Variants in EBAG9 observed in about 807,000 individuals in gnomAD.
The protein encoded by EBAG9 is receptor-binding cancer antigen expressed on SiSo cells.
A neutral mutation model predicts 30.9 loss-of-function variants in EBAG9; 16 were observed. The ratio of observed to expected loss-of-function variants is 0.52; its 90% confidence interval spans 0.35 to 0.79. The LOEUF (loss-of-function observed/expected upper bound fraction) is 0.79, where lower values mean the gene tolerates loss of function less well. EBAG9 is among the 30% of genes least tolerant of loss of function. The pLI is 0.01. For missense variants in EBAG9, 197 were observed against 242.1 expected, an observed-to-expected ratio of 0.81 and a Z score of 1.24; for synonymous variants, 93 against 82.8, an observed-to-expected ratio of 1.12 and a Z score of -0.67.
intron 1 of EBAG9, 142 bp downstream of exon 1, chr8:109,540,603 G>A (rs1190958418): frequency 2.0e-5 from 3 of 152,072 alleles, no homozygotes. Context: ...CATACTTGAG[G>A]GCCTGACTCT....
intron 4 of EBAG9, 62 bp downstream of exon 4, chr8:109,554,949 A>C (rs1821567946): frequency 3.4e-6 from 5 of 1,476,072 alleles, no homozygotes; most frequent in Non-Finnish European, 4.6e-6. Flanking sequence ...AGTTAAAATT[A>C]GGTGATACAA....
At chr8:109,546,705 C>T (rs1342239171) in intron 1 of EBAG9, among the ~76,000 whole-genome samples, 1 of 152,056 alleles carries the variant, frequency 6.6e-6, no homozygotes, top group East Asian at 1.9e-4. Context: ...ATTCTTTTTC[C>T]AGTGTGGCCC....
chr8:109,556,679 T>C (rs1168698576), intron 4 of EBAG9, among the ~76,000 whole-genome samples: 1 of 152,060 alleles, frequency 6.6e-6, no homozygotes, highest in Non-Finnish European at 1.5e-5. Flanking sequence ...TATTTTGAGG[T>C]CTGGGGAAAG....
chr8:109,558,012 A>G (rs1821635655), intron 5 of EBAG9: 1 of 164,212 alleles, frequency 6.1e-6, no homozygotes, highest in African/African-American at 2.4e-5. Context: ...ATACACTGTC[A>G]CTTCCATGTT....
At chr8:109,556,802 A>C in intron 4 of EBAG9, 133 bp from the exon 5 acceptor site, 1 of 438,650 alleles carries the variant, frequency 2.3e-6, no homozygotes, top group Non-Finnish European at 3.9e-6. Context: ...GTATTTACAG[A>C]CTTTTTTTTT....
chr8:109,563,654 G>T, intron 6 of EBAG9: 1 of 1,045,858 alleles, frequency 9.6e-7, no homozygotes, highest in Non-Finnish European at 1.3e-6. Flanking sequence ...GTAAACATGT[G>T]TCAAGGGGGT....
intron 6 of EBAG9, chr8:109,563,460 T>G: frequency 6.3e-7 from 1 of 1,597,500 alleles, no homozygotes; most frequent in Non-Finnish European, 8.5e-7. Flanking sequence ...CTACCTCCAC[T>G]CCCTACATTA....
At chr8:109,549,974 A>G (rs1256120678) in intron 1 of EBAG9, among the ~76,000 whole-genome samples, 3 of 152,000 alleles carry the variant, frequency 2.0e-5, no homozygotes, top group Admixed American at 1.3e-4. Flanking sequence ...CTCATTGGCA[A>G]CATGGAGTGG....
intron 2 of EBAG9, 141 bp downstream of exon 2, chr8:109,551,048 T>G (rs1485978080): frequency 5.1e-6 from 3 of 583,498 alleles, no homozygotes; most frequent in Non-Finnish European, 9.0e-6. Context: ...TAATTCCTAG[T>G]CATTTTTAGA....
At chr8:109,561,006 G>T (rs980133303) in intron 6 of EBAG9, 77 bp downstream of exon 6, 2 of 1,223,434 alleles carry the variant, frequency 1.6e-6, no homozygotes, top group African/African-American at 1.6e-5. Context: ...AGTCAAGGGA[G>T]CCTATTTTGC....
chr8:109,560,193 G>T (rs544346238), intron 5 of EBAG9, among the ~76,000 whole-genome samples: 24 of 152,288 alleles, frequency 1.6e-4, no homozygotes, highest in African/African-American at 5.5e-4. Context: ...ACTTTTAGAG[G>T]TCTGGCTTGG....
intron 6 of EBAG9, chr8:109,563,408 A>G (rs1363384008): frequency 1.3e-5 from 20 of 1,597,162 alleles, no homozygotes; most frequent in Non-Finnish European, 1.6e-5. Flanking sequence ...TCCAGGACCA[A>G]TGTATGTTTA....
At chr8:109,555,979 T>G (rs1290792591) in intron 4 of EBAG9, among the ~76,000 whole-genome samples, 1 of 152,134 alleles carries the variant, frequency 6.6e-6, no homozygotes, top group Non-Finnish European at 1.5e-5. Flanking sequence ...TCTATATGGT[T>G]ATATTGCCAT....
intron 6 of EBAG9, among the ~76,000 whole-genome samples, chr8:109,564,104 A>G (rs1167438371): frequency 6.6e-6 from 1 of 152,094 alleles, no homozygotes; most frequent in Admixed American, 6.6e-5. Context: ...TGTTTTACAA[A>G]ATGGAGATAA....
At chr8:109,558,389 A>G (rs1389721134) in intron 5 of EBAG9, among the ~76,000 whole-genome samples, 1 of 152,206 alleles carries the variant, frequency 6.6e-6, no homozygotes, top group Non-Finnish European at 1.5e-5. Flanking sequence ...GATGCTATGA[A>G]CACATAACAC....
intron 6 of EBAG9, among the ~76,000 whole-genome samples, chr8:109,561,202 TTA>T (rs1821704356): frequency 6.7e-6 from 1 of 150,334 alleles, no homozygotes. Context: ...ATAAAAGGTT[TTA>T]TATATATGTT....
At chr8:109,540,935 G>T (rs1821260632) in intron 1 of EBAG9, among the ~76,000 whole-genome samples, 1 of 152,152 alleles carries the variant, frequency 6.6e-6, no homozygotes, top group South Asian at 2.1e-4. Context: ...TGTGAATTGT[G>T]ATGTATTGAG....
chr8:109,559,179 C>G (rs1821662117), intron 5 of EBAG9, among the ~76,000 whole-genome samples: 1 of 152,092 alleles, frequency 6.6e-6, no homozygotes, highest in Admixed American at 6.6e-5. Flanking sequence ...AAAGTAGGCC[C>G]AGTGAGGTGT....
rs1230254021 is a variant in EBAG9, at chr8:109,565,704, T to C, written c.*1145T>C. The C allele has an allele frequency of 6.6e-6, 1 of 152,096 alleles. No homozygotes were observed. The highest frequency in any genetic ancestry group is 2.4e-5 in the African/African-American group (1 of 41,430). 9.4% of individuals were successfully genotyped at this position (152,096 alleles called of 1,614,324 possible). A position where few individuals can be genotyped will look rare whatever the true frequency, so the allele number is the denominator to read the frequency against. ...TCATTTTGGAATTTTTAAGGATTTT[T>C]ACTTTCTTAAGTTACTGCCTAGAAT... On this transcript the variant is annotated 3_prime_UTR_variant, in exon 7 of 7. Coordinates refer to ENST00000337573, the MANE Select transcript of EBAG9 (RefSeq NM_004215.5).
Sources: allele counts gnomAD v4.1 joint callset (sites outside exome capture counted in the v4.1 genomes callset), GRCh38; gene constraint gnomAD v4.1.1; transcripts MANE v1.5; gene names NCBI Gene and HGNC (gene_info 2026-07-23, HGNC 2026-07-21).